The following VDAC1 variants were observed in gnomAD, a reference collection of about 807,000 sequenced individuals.
The protein encoded by VDAC1 is non-selective voltage-gated ion channel VDAC1.
A neutral mutation model predicts 34.7 loss-of-function variants in VDAC1; 10 were observed. The observed-to-expected ratio is 0.29, with a 90% confidence interval of 0.18 to 0.49. VDAC1 has a LOEUF of 0.49. Among genes scored for constraint, VDAC1 ranks in the 20% least tolerant of loss-of-function variants. The pLI, the probability that VDAC1 is intolerant of heterozygous loss-of-function variation, is 0.99. For missense variants in VDAC1, 230 were observed against 347.9 expected (o/e 0.66, Z 2.69); for synonymous variants, 130 against 136.0 (o/e 0.96, Z 0.30).
chr5:134,109,494 G>T, the VDAC1 span, among the ~76,000 whole-genome samples: 1 of 152,174 alleles, frequency 6.6e-6, no homozygotes, highest in African/African-American at 2.4e-5. Context: ...ACCTGGCCAG[G>T]TGCGGTGGCT....
chr5:133,983,557 A>T (rs1327106718), intron 5 of VDAC1, among the ~76,000 whole-genome samples: 2 of 152,146 alleles, frequency 1.3e-5, no homozygotes, highest in Non-Finnish European at 2.9e-5. Context: ...ATTAAAAAAA[A>T]ATAAAGGTTA....
the VDAC1 span, among the ~76,000 whole-genome samples, chr5:134,111,401 G>T: frequency 6.6e-6 from 1 of 152,144 alleles, no homozygotes; most frequent in Non-Finnish European, 1.5e-5. Context: ...TCCTGGTCCT[G>T]AAACTCCCCG....
intron 7 of VDAC1, 31 bp from the exon 8 acceptor site, chr5:133,973,879 C>A (rs763829989): frequency 6.2e-7 from 1 of 1,605,296 alleles, no homozygotes; most frequent in Admixed American, 1.7e-5. Context: ...ACAGAGAAAA[C>A]ATTAAGTATA....
At chr5:134,061,981 T>G in the VDAC1 span, among the ~76,000 whole-genome samples, 3 of 151,586 alleles carry the variant, frequency 2.0e-5, no homozygotes, top group African/African-American at 7.3e-5. Flanking sequence ...TGGGTTTTTT[T>G]GGTTTTGTTT....
chr5:134,012,970 T>C, the VDAC1 span, among the ~76,000 whole-genome samples: 2 of 152,028 alleles, frequency 1.3e-5, no homozygotes, highest in Non-Finnish European at 2.9e-5. Context: ...TTCAACAAGT[T>C]GGACAAAAAT....
the VDAC1 span, among the ~76,000 whole-genome samples, chr5:134,091,886 C>G: frequency 6.6e-6 from 1 of 152,230 alleles, no homozygotes; most frequent in African/African-American, 2.4e-5. Context: ...GATGAATAAG[C>G]CCACGCAGGC....
the VDAC1 span, among the ~76,000 whole-genome samples, chr5:134,041,579 C>A: frequency 6.6e-6 from 1 of 152,222 alleles, no homozygotes; most frequent in African/African-American, 2.4e-5. Flanking sequence ...GCCCCCTCCC[C>A]ACTCCAGTGG....
the VDAC1 span, among the ~76,000 whole-genome samples, chr5:134,024,536 A>C: frequency 6.6e-6 from 1 of 151,974 alleles, no homozygotes; most frequent in East Asian, 1.9e-4. Context: ...CTCAAAAAAA[A>C]AAAGAAAAAA....
At chr5:134,109,811 A>C in the VDAC1 span, among the ~76,000 whole-genome samples, 19 of 150,404 alleles carry the variant, frequency 1.3e-4, no homozygotes, top group Non-Finnish European at 2.8e-4. Context: ...AGGCATCTGC[A>C]GCTTCCAGGT....
chr5:134,033,403 G>A, the VDAC1 span, among the ~76,000 whole-genome samples: 2 of 151,426 alleles, frequency 1.3e-5, no homozygotes, highest in East Asian at 2.0e-4. Context: ...TGATCCGCCC[G>A]CCTCGGCCTC....
At chr5:134,106,696 G>A in the VDAC1 span, among the ~76,000 whole-genome samples, 16 of 152,004 alleles carry the variant, frequency 1.1e-4, no homozygotes, top group African/African-American at 3.9e-4. Context: ...GTGAGCCACC[G>A]CGCCTGGCCC....
the VDAC1 span, among the ~76,000 whole-genome samples, chr5:134,068,881 T>G: frequency 1.3e-5 from 2 of 152,146 alleles, no homozygotes; most frequent in South Asian, 4.1e-4. Context: ...CTCATTTCTT[T>G]TCAGTGTTTT....
At chr5:134,015,148 G>A in the VDAC1 span, among the ~76,000 whole-genome samples, 1 of 152,086 alleles carries the variant, frequency 6.6e-6, no homozygotes, top group African/African-American at 2.4e-5. Flanking sequence ...TTATAAGTGG[G>A]AGCTAAACAT....
chr5:134,027,313 C>T, the VDAC1 span, among the ~76,000 whole-genome samples: 3 of 152,296 alleles, frequency 2.0e-5, no homozygotes, highest in African/African-American at 4.8e-5. Flanking sequence ...GAGGGGCTCC[C>T]GTTGCCTCCT....
At chr5:134,006,964 C>T (rs942596534), upstream of VDAC1, among the ~76,000 whole-genome samples, 5 of 151,996 alleles carry the variant, frequency 3.3e-5, no homozygotes, top group Non-Finnish European at 5.9e-5. Context: ...AGGCACTCGG[C>T]CCCGTGCAGT....
At chr5:134,101,260 A>T in the VDAC1 span, among the ~76,000 whole-genome samples, 1 of 152,272 alleles carries the variant, frequency 6.6e-6, no homozygotes, top group East Asian at 1.9e-4. Flanking sequence ...CCGAGCCCCT[A>T]ATTCTCTCAC....
At chr5:133,998,935 A>G (rs778842022) in intron 1 of VDAC1, among the ~76,000 whole-genome samples, 6 of 152,184 alleles carry the variant, frequency 3.9e-5, no homozygotes, top group Non-Finnish European at 8.8e-5. Context: ...GCAGCAGCTC[A>G]GGGCGGTTCC....
chr5:134,109,770 C>CAAAAAAA, the VDAC1 span, among the ~76,000 whole-genome samples: 152 of 140,268 alleles, frequency 1.1e-3, no homozygotes, highest in African/African-American at 4.1e-3. Flanking sequence ...GGCTCCATCT[C>CAAAAAAA]AAAAAAAAAA....
chr5:134,049,262 C>T, the VDAC1 span, among the ~76,000 whole-genome samples: 1 of 152,118 alleles, frequency 6.6e-6, no homozygotes, highest in Admixed American at 6.5e-5. Context: ...TAATTTTTAA[C>T]TTATTTAAAT....
Sources: gnomAD v4.1 joint callset for allele counts (sites outside exome capture counted in the v4.1 genomes callset) on GRCh38, gnomAD v4.1.1 for gene constraint, MANE v1.5 for transcripts, NCBI Gene and HGNC (gene_info 2026-07-23, HGNC 2026-07-21) for gene names.